NDUFAF7: variants seen among roughly 807,000 people sequenced by gnomAD.
NDUFAF7 encodes the protein NADH:ubiquinone oxidoreductase complex assembly factor 7, also known as protein arginine methyltransferase NDUFAF7, mitochondrial.
Under a neutral mutation model 47.2 loss-of-function variants are expected in NDUFAF7, and 48 were observed. That is an observed-to-expected ratio of 1.02 (90% confidence interval 0.81 to 1.29). NDUFAF7 has a LOEUF of 1.29. Ranked by LOEUF, NDUFAF7 falls within the 50% of genes most tolerant of loss-of-function variation. NDUFAF7 has a pLI of 0.00. For synonymous variants in NDUFAF7, 217 were observed against 190.0 expected, an observed-to-expected ratio of 1.14 and a Z score of -1.17; for missense variants, 635 against 537.6, an observed-to-expected ratio of 1.18 and a Z score of -1.79.
chr2:37,259,019 G>T, the NDUFAF7 span, among the ~76,000 whole-genome samples: 83 of 150,298 alleles, frequency 5.5e-4, no homozygotes, highest in Non-Finnish European at 9.0e-4. Context: ...CATAGGTCAT[G>T]CAATAAATTT....
intron 8 of NDUFAF7, among the ~76,000 whole-genome samples, chr2:37,246,590 T>A (rs1666932005): frequency 6.6e-6 from 1 of 152,244 alleles, no homozygotes; most frequent in South Asian, 2.1e-4. Flanking sequence ...GCTTTTTCTA[T>A]CATATTTTCA....
chr2:37,239,855 G>A (rs1666175585), intron 4 of NDUFAF7, among the ~76,000 whole-genome samples: 1 of 152,098 alleles, frequency 6.6e-6, no homozygotes, highest in African/African-American at 2.4e-5. Context: ...GAAAAGTCAG[G>A]GTGTTATTAA....
At chr2:37,258,539 A>G in the NDUFAF7 span, among the ~76,000 whole-genome samples, 4 of 152,208 alleles carry the variant, frequency 2.6e-5, no homozygotes, top group Non-Finnish European at 4.4e-5. Context: ...GATCACTAAA[A>G]TAGAGGTCAG....
chr2:37,250,039 AT>A (rs899947041), downstream of NDUFAF7, among the ~76,000 whole-genome samples: 3 of 149,142 alleles, frequency 2.0e-5, no homozygotes, highest in Admixed American at 6.7e-5. Flanking sequence ...TTTTTTTGCA[AT>A]TTTTTTTTCA....
the NDUFAF7 span, among the ~76,000 whole-genome samples, chr2:37,262,641 A>G: frequency 1.3e-5 from 2 of 151,918 alleles, no homozygotes; most frequent in African/African-American, 2.4e-5. Context: ...TTGAAATGTG[A>G]CTGTTTTGCT....
the NDUFAF7 span, chr2:37,268,393 T>C: frequency 6.4e-6 from 3 of 469,812 alleles, no homozygotes; most frequent in Admixed American, 4.7e-5. Context: ...AAACCATAGA[T>C]ATTATATATG....
the NDUFAF7 span, among the ~76,000 whole-genome samples, chr2:37,270,757 A>C: frequency 6.6e-6 from 1 of 152,222 alleles, no homozygotes; most frequent in Non-Finnish European, 1.5e-5. Context: ...TCCCCACTTT[A>C]ATCTTTTTGT....
At chr2:37,245,926 T>C in intron 7 of NDUFAF7, 126 bp from the exon 8 acceptor site, 1 of 1,066,216 alleles carries the variant, frequency 9.4e-7, no homozygotes, top group Non-Finnish European at 1.4e-6. Context: ...GTAGAGAACA[T>C]ACTCATATTA....
At chr2:37,264,029 C>G in the NDUFAF7 span, among the ~76,000 whole-genome samples, 2 of 152,316 alleles carry the variant, frequency 1.3e-5, no homozygotes, top group South Asian at 2.1e-4. Flanking sequence ...TCCCACTACT[C>G]TACTACCCTC....
intron 4 of NDUFAF7, among the ~76,000 whole-genome samples, chr2:37,239,117 TC>T (rs1175688643): frequency 4.1e-5 from 6 of 146,292 alleles, no homozygotes; most frequent in Non-Finnish European, 7.5e-5. Flanking sequence ...TTTTTCTTTC[TC>T]TTTTTTTTTT....
Position 37,231,696 on chromosome 2 carries a change from G to C in NDUFAF7, c.-10G>C, listed in dbSNP as rs771976553. 53 of 1,614,110 alleles carry C rather than the reference G, an allele frequency of 3.3e-5. No individual in the cohort carries two copies. The highest frequency in any genetic ancestry group is 4.4e-5 in the Non-Finnish European group (52 of 1,180,044). ...CTCCTGGCGGAGCGAGCTAGCCTGC[G>C]AATTTCAGCATGAGTGTACTGCTGA... On this transcript the variant is annotated 5_prime_UTR_variant, in exon 1 of 10. Transcript: ENST00000002125.
chr2:37,242,065 G>T, intron 5 of NDUFAF7: 1 of 470,998 alleles, frequency 2.1e-6, no homozygotes, highest in Non-Finnish European at 3.8e-6. Flanking sequence ...TATAGCTAGG[G>T]TTGTACCGAT....
chr2:37,242,553 GCA>G, intron 5 of NDUFAF7, 80 bp from the exon 6 acceptor site: 1 of 1,106,162 alleles, frequency 9.0e-7, no homozygotes, highest in South Asian at 1.3e-5. Context: ...GAGGAAGTAG[GCA>G]TTTTTTTTAC....
chr2:37,260,747 C>T, the NDUFAF7 span, among the ~76,000 whole-genome samples: 2 of 152,104 alleles, frequency 1.3e-5, no homozygotes, highest in Non-Finnish European at 2.9e-5. Context: ...ACACAGAAAC[C>T]TTTGACTCTT....
At chr2:37,232,413 A>G (rs1296847390) in intron 2 of NDUFAF7, 147 bp downstream of exon 2, 2 of 1,084,296 alleles carry the variant, frequency 1.8e-6, no homozygotes, top group Non-Finnish European at 2.8e-6. Flanking sequence ...GGGACAGATA[A>G]TTTGTCAGTT....
downstream of NDUFAF7, among the ~76,000 whole-genome samples, chr2:37,250,140 C>G (rs1451753889): frequency 6.6e-6 from 1 of 151,398 alleles, no homozygotes; most frequent in Non-Finnish European, 1.5e-5. Flanking sequence ...GATTAGACAC[C>G]CCTGCACTAA....
chr2:37,233,361 G>C (rs1248638883), intron 2 of NDUFAF7, among the ~76,000 whole-genome samples: 1 of 152,218 alleles, frequency 6.6e-6, no homozygotes, highest in Admixed American at 6.5e-5. Flanking sequence ...CGGACGTGGC[G>C]GCTCACGCCT....
intron 6 of NDUFAF7, 99 bp from the exon 7 acceptor site, chr2:37,243,760 ATGTT>A: frequency 1.2e-6 from 1 of 801,958 alleles, no homozygotes; most frequent in Non-Finnish European, 2.1e-6. Context: ...TTCTCTGTAA[ATGTT>A]AGTTACTTAT....
downstream of NDUFAF7, chr2:37,252,483 A>G (rs560199656): frequency 6.6e-6 from 1 of 152,198 alleles, no homozygotes; most frequent in African/African-American, 2.4e-5. Flanking sequence ...AGCTGTTGCA[A>G]CACACAGAAG....
Sources: allele counts gnomAD v4.1 joint callset (sites outside exome capture counted in the v4.1 genomes callset), GRCh38; gene constraint gnomAD v4.1.1; transcripts MANE v1.5; gene names NCBI Gene and HGNC (gene_info 2026-07-23, HGNC 2026-07-21).